Variants in AGBL3 observed in about 807,000 individuals in gnomAD.
AGBL3 encodes the protein cytosolic carboxypeptidase 3.
A neutral mutation model predicts 94.5 loss-of-function variants in AGBL3; 68 were observed. The ratio of observed to expected loss-of-function variants is 0.72; its 90% CI spans 0.59 to 0.88. The LOEUF (loss-of-function observed/expected upper bound fraction) is 0.88, where lower values mean the gene tolerates loss of function less well. AGBL3 is among the 40% of genes least tolerant of loss of function. The probability of loss-of-function intolerance (pLI) is 0.00; values close to 1 mark genes in which losing one functional copy is unlikely to be tolerated. For synonymous variants in AGBL3, 354 were observed against 370.7 expected, an observed-to-expected ratio of 0.95 and a Z score of 0.52; for missense variants, 934 against 1,103.8, an observed-to-expected ratio of 0.85 and a Z score of 2.18.
chr7:135,021,470 T>A (rs1479120464), intron 5 of AGBL3, among the ~76,000 whole-genome samples: 1 of 151,664 alleles, frequency 6.6e-6, no homozygotes, highest in East Asian at 1.9e-4. Flanking sequence ...TTTTTTGTAT[T>A]TTTAGTAGAG....
chr7:135,030,142 C>G (rs1377131079), intron 5 of AGBL3, among the ~76,000 whole-genome samples: 1 of 125,792 alleles, frequency 7.9e-6, no homozygotes, highest in Non-Finnish European at 1.7e-5. Flanking sequence ...TTGCTCAACA[C>G]AAACCTTTAA....
intron 16 of AGBL3, among the ~76,000 whole-genome samples, chr7:135,121,882 T>C (rs1273221976): frequency 3.3e-5 from 5 of 152,210 alleles, no homozygotes; most frequent in Non-Finnish European, 7.3e-5. Flanking sequence ...ACCGTGCTTT[T>C]TCCACAGAAC....
At chr7:135,040,506 G>A (rs553285365) in intron 8 of AGBL3, among the ~76,000 whole-genome samples, 1 of 151,508 alleles carries the variant, frequency 6.6e-6, no homozygotes, top group East Asian at 1.9e-4. Context: ...GTTAAGAGTT[G>A]AAAGAAGAAA....
chr7:135,008,166 C>T (rs998304589), intron 4 of AGBL3, among the ~76,000 whole-genome samples: 3 of 151,274 alleles, frequency 2.0e-5, no homozygotes, highest in African/African-American at 7.3e-5. Flanking sequence ...TCAAGGAACC[C>T]AGAATGGCCA....
At chr7:135,123,691 C>T (rs182659337) in intron 16 of AGBL3, among the ~76,000 whole-genome samples, 137 of 152,198 alleles carry the variant, frequency 9.0e-4, no homozygotes, top group African/African-American at 3.2e-3. Context: ...TAACAGCGGC[C>T]CTCTCAGCAG....
At chr7:135,107,995 T>C (rs1447115789) in intron 15 of AGBL3, among the ~76,000 whole-genome samples, 2 of 152,146 alleles carry the variant, frequency 1.3e-5, no homozygotes, top group Non-Finnish European at 1.5e-5. Flanking sequence ...TTATCTTTGT[T>C]GATTTAAAGT....
At chr7:134,988,761 A>T (rs1200224605) in intron 2 of AGBL3, among the ~76,000 whole-genome samples, 1 of 151,766 alleles carries the variant, frequency 6.6e-6, no homozygotes, top group Non-Finnish European at 1.5e-5. Flanking sequence ...CAGCCACCCG[A>T]GTAGCTGGGA....
chr7:135,040,127 T>C (rs1816706189), intron 8 of AGBL3, among the ~76,000 whole-genome samples: 1 of 152,224 alleles, frequency 6.6e-6, no homozygotes, highest in African/African-American at 2.4e-5. Flanking sequence ...AACCAATTCC[T>C]TGAAAACTAC....
At chr7:135,074,247 GATTC>G (rs1211127357) in intron 12 of AGBL3, among the ~76,000 whole-genome samples, 1 of 152,144 alleles carries the variant, frequency 6.6e-6, no homozygotes, top group Non-Finnish European at 1.5e-5. Flanking sequence ...AAGCAAAGAT[GATTC>G]TTATCAGGCT....
At chr7:135,059,516 T>C (rs1818640110) in intron 12 of AGBL3, among the ~76,000 whole-genome samples, 1 of 152,240 alleles carries the variant, frequency 6.6e-6, no homozygotes, top group African/African-American at 2.4e-5. Context: ...CTAACATACA[T>C]CACCTGACTG....
chr7:135,009,108 A>G (rs1446779559), intron 4 of AGBL3, among the ~76,000 whole-genome samples: 3 of 152,232 alleles, frequency 2.0e-5, no homozygotes, highest in African/African-American at 7.2e-5. Context: ...TATTTGACCC[A>G]GCAGTTCCAC....
At chr7:135,106,633 T>A (rs1054152971) in intron 15 of AGBL3, among the ~76,000 whole-genome samples, 1 of 152,204 alleles carries the variant, frequency 6.6e-6, no homozygotes, top group Non-Finnish European at 1.5e-5. Flanking sequence ...TGTTGAGGAT[T>A]TTTGCATCAA....
Position 135,059,159 on chromosome 7 carries a change from T to C in AGBL3, c.1842-10T>C, listed in dbSNP as rs1818601570. 5 of 1,546,220 alleles carry C rather than the reference T, an allele frequency of 3.2e-6. No individual in the cohort carries two copies. On this transcript the variant is annotated splice_polypyrimidine_tract_variant and intron_variant, in intron 11 of 16. Transcript: ENST00000436302. Reference sequence around the variant, plus strand: ...AAACACTGTATAAACCAAAATTATTTTTTTTGTAGTAGCCGAGGCTCTGAC... The same window carrying C: ...AAACACTGTATAAACCAAAATTATTCTTTTTGTAGTAGCCGAGGCTCTGAC...
rs527651241 is a variant in AGBL3, at chr7:135,060,855, C to T, written c.1908+1620C>T. ...GCTATTGTGAATAGTGCTGCAATGACCATGGGAGTGCAATATCTCTTTGAC... is the reference window on the plus strand; with the variant it reads ...GCTATTGTGAATAGTGCTGCAATGATCATGGGAGTGCAATATCTCTTTGAC... On this transcript the variant is annotated intron_variant, in intron 12 of 16. Coordinates refer to ENST00000436302, the MANE Select transcript of AGBL3 (RefSeq NM_178563.4). 6.6e-5 allele frequency among the ~76,000 whole-genome samples: 10 copies of T among 152,224 alleles called. No homozygotes were observed. The South Asian group carries it at 2.1e-3, about 32-fold the overall frequency.
intron 8 of AGBL3, among the ~76,000 whole-genome samples, chr7:135,040,288 T>C (rs1045317178): frequency 3.3e-5 from 5 of 152,186 alleles, no homozygotes; most frequent in African/African-American, 9.7e-5. Context: ...GGGATTACCA[T>C]GATACCAACA....
chr7:135,054,040 A>G (rs936736964), intron 11 of AGBL3, among the ~76,000 whole-genome samples: 2 of 152,226 alleles, frequency 1.3e-5, no homozygotes, highest in African/African-American at 4.8e-5. Context: ...GTTACCTTCT[A>G]TGATGGCATA....
At chr7:135,043,989 G>C in intron 8 of AGBL3, 36 bp from the exon 9 acceptor site, 1 of 1,536,440 alleles carries the variant, frequency 6.5e-7, no homozygotes, top group Non-Finnish European at 8.8e-7. Context: ...ATCGGTACCA[G>C]AACAACGAGT....
At chr7:135,086,687 T>C (rs1278575242) in intron 15 of AGBL3, among the ~76,000 whole-genome samples, 1 of 152,068 alleles carries the variant, frequency 6.6e-6, no homozygotes, top group Non-Finnish European at 1.5e-5. Flanking sequence ...TGAATCCCAC[T>C]TGATCATGGT....
intron 15 of AGBL3, among the ~76,000 whole-genome samples, chr7:135,110,279 C>T (rs889013085): frequency 4.6e-5 from 7 of 152,170 alleles, no homozygotes; most frequent in East Asian, 3.8e-4. Flanking sequence ...GATCTGCAGA[C>T]GGTCACTGCT....
Sources: gnomAD v4.1 joint callset for allele counts (sites outside exome capture counted in the v4.1 genomes callset) on GRCh38, gnomAD v4.1.1 for gene constraint, MANE v1.5 for transcripts, NCBI Gene and HGNC (gene_info 2026-07-23, HGNC 2026-07-21) for gene names.